The following INSR variants were observed in gnomAD, a reference collection of about 807,000 sequenced individuals.
INSR encodes the protein IR.
Under a neutral mutation model 142.6 loss-of-function variants are expected in INSR, and 67 were observed. The observed-to-expected ratio is 0.47, with a 90% confidence interval of 0.39 to 0.58. The LOEUF (loss-of-function observed/expected upper bound fraction) is 0.58. INSR is among the 20% of genes least tolerant of loss of function. The pLI, the probability that INSR is intolerant of heterozygous loss-of-function variation, is 0.00. For missense variants in INSR, 1,248 were observed against 1,833.2 expected (o/e 0.68, Z 5.83); for synonymous variants, 756 against 743.1 (o/e 1.02, Z -0.28).
rs576364301 is a variant in INSR, at chr19:7,237,564, C to G, written c.652+29781G>C. On this transcript the variant is annotated intron_variant, in intron 2 of 21. Coordinates refer to ENST00000302850, the MANE Select transcript of INSR (RefSeq NM_000208.4). ...GGCGTGGTGGCTCACGCCTGTAATCCCAGCACTTTGGAAGGCCGAGGCGGG... is the reference window on the plus strand; with the variant it reads ...GGCGTGGTGGCTCACGCCTGTAATCGCAGCACTTTGGAAGGCCGAGGCGGG... 1.0e-3 allele frequency among the ~76,000 whole-genome samples: 159 copies of G among 151,986 alleles called. 2 individuals are homozygous for G. The highest frequency in any genetic ancestry group is 3.5e-3 in the African/African-American group (145 of 41,460).
intron 2 of INSR, among the ~76,000 whole-genome samples, chr19:7,195,194 A>G (rs1974711734): frequency 6.6e-6 from 1 of 152,238 alleles, no homozygotes; most frequent in Non-Finnish European, 1.5e-5. Context: ...AAATACTTCA[A>G]GTAACATTGC....
At chr19:7,227,962 G>GT (rs1289599631) in intron 2 of INSR, among the ~76,000 whole-genome samples, 1 of 151,796 alleles carries the variant, frequency 6.6e-6, no homozygotes, top group Non-Finnish European at 1.5e-5. Flanking sequence ...AGAAACCAGG[G>GT]TAGCATCACC....
chr19:7,150,445 G>A lies in INSR; in HGVS notation c.2267+52C>T, dbSNP rs1973307758. 3.8e-6 allele frequency: 6 copies of A among 1,583,944 alleles called. No homozygotes were observed. Among genetic ancestry groups the A allele is most frequent in the Non-Finnish European group, 5.2e-6 (6 of 1,153,892 alleles). On this transcript the variant is annotated intron_variant, in intron 11 of 21. Coordinates refer to ENST00000302850, the MANE Select transcript of INSR (RefSeq NM_000208.4). This position sits in a 1 kb window ranked among gnomAD's most constrained non-coding sequence, Gnocchi z 4.2. ...GTTCTCCGAGGCATCTGCCTGGCAC[G>A]CCGCCGGCCCTGCGCGGAGCAGGCA...
intron 9 of INSR, among the ~76,000 whole-genome samples, chr19:7,158,272 GGGCA>G (rs1973654606): frequency 6.6e-6 from 1 of 151,936 alleles, no homozygotes; most frequent in South Asian, 2.1e-4. Context: ...AGGCCAAGGT[GGGCA>G]GATCACGAGG....
intron 1 of INSR, among the ~76,000 whole-genome samples, chr19:7,279,892 TG>T (rs1284866054): frequency 2.7e-5 from 4 of 149,488 alleles, no homozygotes; most frequent in Non-Finnish European, 5.9e-5. Context: ...TGCTCGAGCC[TG>T]GGAGGTGGAG....
At chr19:7,179,067 C>T (rs1974211208) in intron 3 of INSR, among the ~76,000 whole-genome samples, 2 of 152,126 alleles carry the variant, frequency 1.3e-5, no homozygotes, top group Admixed American at 6.6e-5. Flanking sequence ...TGCACCCCCT[C>T]ACCTGGCTAA....
intron 15 of INSR, 28 bp from the exon 16 acceptor site, chr19:7,126,679 C>G: frequency 6.4e-7 from 1 of 1,553,180 alleles, no homozygotes; most frequent in Non-Finnish European, 8.7e-7. Flanking sequence ...GGCACGTTAG[C>G]TTGAGATTCT....
intron 3 of INSR, among the ~76,000 whole-genome samples, chr19:7,176,046 T>C (rs971779110): frequency 2.0e-5 from 3 of 152,142 alleles, no homozygotes; most frequent in Non-Finnish European, 4.4e-5. Context: ...AGTGATGGGA[T>C]TCACACCATA....
At chr19:7,169,576 C>CAAAAAAAAAAAAAAAAAAAAAAAAAAAAA (rs74174872) in intron 6 of INSR, among the ~76,000 whole-genome samples, 1 of 94,806 alleles carries the variant, frequency 1.1e-5, no homozygotes, top group Non-Finnish European at 2.1e-5. Flanking sequence ...GACTCTGTCC[C>CAAAAAAAAAAAAAAAAAAAAAAAAAAAAA]AAAAAAAAAA....
Position 7,293,779 on chromosome 19 carries a change from C to A in INSR, c.100+13G>T. ...GCGGCGCTCCCCGCCCACGCCCGCG[C>A]CCCCAGACTCACCCTCTCCGGGGTA... On this transcript the variant is annotated intron_variant, in intron 1 of 21. Coordinates refer to ENST00000302850, the MANE Select transcript of INSR (RefSeq NM_000208.4). The A allele has an allele frequency of 2.2e-6, 3 of 1,354,656 alleles. No individual in the cohort carries two copies. The highest frequency in any genetic ancestry group is 2.7e-4 in the Middle Eastern group (1 of 3,766). The allele number at this position is 1,354,656 out of a possible 1,614,324, so 83.9% of individuals were successfully genotyped here.
chr19:7,183,196 C>T (rs912831241), intron 3 of INSR, among the ~76,000 whole-genome samples: 6 of 151,740 alleles, frequency 4.0e-5, no homozygotes, highest in South Asian at 2.1e-4. Context: ...AGATACTTTA[C>T]GTAAGCAGGT....
intron 1 of INSR, among the ~76,000 whole-genome samples, chr19:7,286,113 G>A (rs894475197): frequency 6.6e-6 from 1 of 151,846 alleles, no homozygotes; most frequent in African/African-American, 2.4e-5. Flanking sequence ...CCTAGTAGCT[G>A]GGACCACAGG....
At position 7,159,779 on chromosome 19, in the gene INSR, C is replaced by T. The variant is rs1303720029; in HGVS notation, c.2029+3253G>A. ...AGCTCCCAGAGATCATCTGTCCTCC[C>T]GCCCCTTCTCCCAAAAAGGAGGCAG... On this transcript the variant is annotated intron_variant, in intron 9 of 21. Coordinates refer to ENST00000302850, the MANE Select transcript of INSR (RefSeq NM_000208.4). The surrounding 1 kb of genome is among the most constrained non-coding windows in gnomAD (Gnocchi z 4.3). 1.3e-5 allele frequency: 2 copies of T among 152,202 alleles called. No homozygotes were observed. Among genetic ancestry groups the T allele is most frequent in the Non-Finnish European group, 2.9e-5 (2 of 68,082 alleles). The allele number at this position is 152,202 out of a possible 1,614,324, so 9.4% of individuals were successfully genotyped here.
intron 2 of INSR, among the ~76,000 whole-genome samples, chr19:7,237,405 TAC>T (rs1453879279): frequency 6.6e-6 from 1 of 151,488 alleles, no homozygotes; most frequent in Non-Finnish European, 1.5e-5. Context: ...TAATCCCAGC[TAC>T]TCAGGAGGCT....
chr19:7,121,238 A>G (rs1972484456), intron 19 of INSR, among the ~76,000 whole-genome samples: 1 of 150,956 alleles, frequency 6.6e-6, no homozygotes, highest in South Asian at 2.1e-4. Context: ...ATCTCAGGTA[A>G]TCTACCCACC....
chr19:7,131,176 G>C (rs75930593), intron 14 of INSR, among the ~76,000 whole-genome samples: 1 of 150,394 alleles, frequency 6.6e-6, no homozygotes, highest in Non-Finnish European at 1.5e-5. Flanking sequence ...CACTGTGCCC[G>C]GCCAGGTATT....
At chr19:7,120,587 C>T in intron 20 of INSR, 33 bp downstream of exon 20, 2 of 1,613,348 alleles carry the variant, frequency 1.2e-6, no homozygotes, top group Non-Finnish European at 1.7e-6. Flanking sequence ...AATTCAAGCC[C>T]AGCGTCCATC....
At chr19:7,217,081 C>A (rs780259500) in intron 2 of INSR, among the ~76,000 whole-genome samples, 25 of 151,036 alleles carry the variant, frequency 1.7e-4, no homozygotes, top group Non-Finnish European at 3.1e-4. Flanking sequence ...AATCGTCCCA[C>A]CTTGGCCTCC....
chr19:7,287,210 A>G (rs1968367092), intron 1 of INSR, among the ~76,000 whole-genome samples: 1 of 146,852 alleles, frequency 6.8e-6, no homozygotes, highest in African/African-American at 2.5e-5. Flanking sequence ...CCCAGGCTAG[A>G]GTGCAGTGGC....
Sources: allele counts gnomAD v4.1 joint callset (sites outside exome capture counted in the v4.1 genomes callset), GRCh38; gene constraint gnomAD v4.1.1; non-coding constraint Gnocchi (gnomAD v3.1); transcripts MANE v1.5; gene names NCBI Gene and HGNC (gene_info 2026-07-23, HGNC 2026-07-21).